Variants in QRFPR observed in about 807,000 individuals in gnomAD.
QRFPR encodes pyroglutamylated RF-amide peptide receptor.
A neutral mutation model predicts 31.3 loss-of-function variants in QRFPR; 37 were observed. That is an observed-to-expected ratio of 1.18 (90% CI 0.91 to 1.56). The LOEUF (loss-of-function observed/expected upper bound fraction) is 1.56. QRFPR is among the 40% of genes most tolerant of loss of function. The probability of loss-of-function intolerance (pLI) is 0.00; values close to 1 mark genes in which losing one functional copy is unlikely to be tolerated. For synonymous variants in QRFPR, 197 were observed against 192.0 expected (o/e 1.03, Z -0.22); for missense variants, 542 against 532.5 (o/e 1.02, Z -0.18).
In QRFPR at chr4:121,348,818, C is replaced by T. The variant is rs548155036; in HGVS notation, c.341-8208G>A. On this transcript the variant is annotated intron_variant, in intron 1 of 5. Coordinates refer to ENST00000394427, the MANE Select transcript of QRFPR (RefSeq NM_198179.3). ...TCCCTTATAAATATCCTGGTTACGG[C>T]CGGGTGCGATGGCTCATGCCTATAA... Among the ~76,000 whole-genome samples, 12 of 152,260 alleles carry T rather than the reference C, an allele frequency of 7.9e-5. No individual in the cohort carries two copies. In the South Asian group the frequency reaches 2.5e-3, roughly 32 times the overall value.
intron 3 of QRFPR, among the ~76,000 whole-genome samples, chr4:121,334,899 G>C (rs564491181): frequency 6.6e-6 from 1 of 152,128 alleles, no homozygotes; most frequent in African/African-American, 2.4e-5. Flanking sequence ...TTCGAGAAGC[G>C]TACATTTGGG....
intron 1 of QRFPR, among the ~76,000 whole-genome samples, chr4:121,361,865 C>T (rs575881791): frequency 1.3e-5 from 2 of 150,256 alleles, no homozygotes; most frequent in East Asian, 2.0e-4. Context: ...ATAAAAGGAA[C>T]GGCCTCTTCC....
chr4:121,351,343 T>G (rs2110474747), intron 1 of QRFPR, among the ~76,000 whole-genome samples: 1 of 152,302 alleles, frequency 6.6e-6, no homozygotes, highest in South Asian at 2.1e-4. Context: ...CTTCCTTCAA[T>G]TACTTTGTAA....
chr4:121,377,801 G>A (rs1726385706), intron 1 of QRFPR, among the ~76,000 whole-genome samples: 2 of 152,098 alleles, frequency 1.3e-5, no homozygotes, highest in Non-Finnish European at 2.9e-5. Flanking sequence ...TACTCTCAAG[G>A]TAGAACACTT....
intron 1 of QRFPR, among the ~76,000 whole-genome samples, chr4:121,347,360 A>G (rs1303238952): frequency 3.3e-5 from 5 of 152,042 alleles, no homozygotes; most frequent in African/African-American, 1.2e-4. Flanking sequence ...ATTGCCTTAT[A>G]CCGCTTTTCT....
rs1726110200 is a variant in QRFPR at position 121,365,608 on chromosome 4, TATATTA to T, written c.340+14694_340+14699del. ...ATATATATTATATATATATAATATA[TATATTA>T]TATATATTATATATTATATATATAT... On this transcript the variant is annotated intron_variant, in intron 1 of 5. Transcript: ENST00000394427. Among the ~76,000 whole-genome samples, 26 of 6,396 alleles carry T rather than the reference TATATTA, an allele frequency of 4.1e-3. 3 individuals are homozygous for T. The highest frequency in any genetic ancestry group is 0.013 in the African/African-American group (25 of 1,970). 4.2% of individuals were successfully genotyped at this position (6,396 alleles called of 152,430 possible). A position where few individuals can be genotyped will look rare whatever the true frequency, so the allele number is the denominator to read the frequency against.
chr4:121,336,750 T>C, intron 3 of QRFPR, 57 bp downstream of exon 3: 1 of 1,353,140 alleles, frequency 7.4e-7, no homozygotes, highest in Non-Finnish European at 1.1e-6. Flanking sequence ...TAATTACAAT[T>C]AAGAGGGGTG....
At chr4:121,339,479 G>A (rs1245533645) in intron 2 of QRFPR, among the ~76,000 whole-genome samples, 2 of 152,290 alleles carry the variant, frequency 1.3e-5, no homozygotes, top group African/African-American at 4.8e-5. Flanking sequence ...AATGCCTAAA[G>A]GAAAAGTATG....
chr4:121,332,833 G>T lies in QRFPR; in HGVS notation c.785C>A (p.Ser262Tyr), dbSNP rs778766546. 1 of 1,611,964 alleles carries T rather than the reference G, an allele frequency of 6.2e-7. No individual in the cohort carries two copies. Among genetic ancestry groups the T allele is most frequent in the East Asian group, 2.2e-5 (1 of 44,872 alleles). ...TCATTAAACAGACCTGGCTATTTTG[G>T]ACATTTCTTTTCCATGAATAGTTCG... The part of the protein sequence containing the change: ...VLRTIHGKEM[S>Y]KIARKKKRAV... Residue 262 changes from serine to tyrosine, a missense_variant, in exon 4 of 6, where the codon TCC becomes TAC. Ser to Tyr is a moderately radical substitution (Grantham distance 144). Coordinates refer to ENST00000394427, the MANE Select transcript of QRFPR (RefSeq NM_198179.3).
chr4:121,364,572 G>A (rs1260662128), intron 1 of QRFPR, among the ~76,000 whole-genome samples: 2 of 148,856 alleles, frequency 1.3e-5, no homozygotes, highest in Non-Finnish European at 3.0e-5. Context: ...CCTGGGAGGC[G>A]GAGCTTGCTG....
intron 1 of QRFPR, among the ~76,000 whole-genome samples, chr4:121,372,223 G>A (rs2110484729): frequency 6.6e-6 from 1 of 152,264 alleles, no homozygotes; most frequent in East Asian, 1.9e-4. Context: ...TCTTCCTGCT[G>A]TAGGGGGTAT....
intron 1 of QRFPR, 107 bp downstream of exon 1, chr4:121,380,201 G>GAGAGAGAGAGAGAA: frequency 4.7e-6 from 1 of 211,186 alleles, no homozygotes; most frequent in African/African-American, 6.4e-5. Context: ...GAGAGAGAGA[G>GAGAGAGAGAGAGAA]AGAGAGAGAG....
intron 3 of QRFPR, 78 bp from the exon 4 acceptor site, chr4:121,333,134 CACA>C (rs1725367912): frequency 3.4e-6 from 3 of 880,982 alleles, no homozygotes; most frequent in African/African-American, 1.7e-5. Flanking sequence ...ATTATTGCAA[CACA>C]ACATTTTTTA....
chr4:121,349,111 GTAAAA>G (rs111688711), intron 1 of QRFPR, among the ~76,000 whole-genome samples: 52,982 of 150,900 alleles, frequency 0.35, 9,532 homozygotes, highest in Middle Eastern at 0.47. Flanking sequence ...AAAAAATAAA[GTAAAA>G]TAAAATAAAA....
Position 121,340,447 on chromosome 4 carries a change from C to T in QRFPR, c.499+5G>A, listed in dbSNP as rs1330137279. 1.2e-6 allele frequency: 2 copies of T among 1,613,784 alleles called. No individual in the cohort carries two copies. The highest frequency in any genetic ancestry group is 1.7e-6 in the Non-Finnish European group (2 of 1,179,868). The stretch of plus-strand genomic sequence containing the variant: ...CACTGCCATTGGCACATCCAGTGGC[C>T]TCACCTAGCATTGTGAAAGCCCTTC... On this transcript the variant is annotated splice_donor_5th_base_variant and intron_variant, in intron 2 of 5. Coordinates refer to ENST00000394427, the MANE Select transcript of QRFPR (RefSeq NM_198179.3).
intron 1 of QRFPR, among the ~76,000 whole-genome samples, chr4:121,365,657 A>T (rs796567090): frequency 1.1e-4 from 2 of 18,104 alleles, no homozygotes; most frequent in African/African-American, 2.0e-4. Flanking sequence ...ATTATATATT[A>T]TATATATTTT....
rs1259186962 is a variant in QRFPR at position 121,365,640 on chromosome 4, T to A, written c.340+14668A>T. Among the ~76,000 whole-genome samples the A allele has an allele frequency of 4.8e-3, 94 of 19,774 alleles. 3 individuals are homozygous for A. Among genetic ancestry groups the A allele is most frequent in the African/African-American group, 0.021 (90 of 4,342 alleles). The allele number at this position is 19,774 out of a possible 152,430, so 13.0% of individuals were successfully genotyped here. A position where few individuals can be genotyped will look rare whatever the true frequency, so the allele number is the denominator to read the frequency against. ...TATATATTATATATTATATATATAT[T>A]TTATATATTATATATTATATATATT... On this transcript the variant is annotated intron_variant, in intron 1 of 5. Coordinates refer to ENST00000394427, the MANE Select transcript of QRFPR (RefSeq NM_198179.3).
chr4:121,380,690 C>T lies in QRFPR; in HGVS notation c.-43G>A. The T allele has an allele frequency of 6.9e-7, 1 of 1,459,616 alleles. No individual in the cohort carries two copies. The highest frequency in any genetic ancestry group is 9.1e-7 in the Non-Finnish European group (1 of 1,099,322). 90.4% of individuals were successfully genotyped at this position (1,459,616 alleles called of 1,614,324 possible). A position where few individuals can be genotyped will look rare whatever the true frequency, so the allele number is the denominator to read the frequency against. ...ACGCGGGGCCACCGCCCGCTACTGG[C>T]TGGCCATCCGCATCTGCGGGGCAGC... is the stretch of plus-strand genomic sequence containing the variant. On this transcript the variant is annotated 5_prime_UTR_variant, in exon 1 of 6. Transcript: ENST00000394427.
intron 1 of QRFPR, among the ~76,000 whole-genome samples, chr4:121,345,482 GA>G (rs775585484): frequency 2.6e-5 from 4 of 152,126 alleles, no homozygotes; most frequent in Admixed American, 6.6e-5. Flanking sequence ...TTATTCTCTG[GA>G]AGGTAGGTTT....
Sources: allele counts gnomAD v4.1 joint callset (sites outside exome capture counted in the v4.1 genomes callset), GRCh38; gene constraint gnomAD v4.1.1; transcripts MANE v1.5; gene names NCBI Gene and HGNC (gene_info 2026-07-23, HGNC 2026-07-21).